SLC10A7: variants seen among roughly 807,000 people sequenced by gnomAD.
The protein encoded by SLC10A7 is solute carrier family 10 member 7.
A neutral mutation model predicts 43.2 loss-of-function variants in SLC10A7; 29 were observed. The ratio of observed to expected loss-of-function variants is 0.67; its 90% CI spans 0.50 to 0.92. The LOEUF is 0.92. Ranked by LOEUF, SLC10A7 falls within the 40% of genes least tolerant of loss-of-function variation. The pLI is 0.00. For synonymous variants in SLC10A7, 152 were observed against 144.8 expected (o/e 1.05, Z -0.35); for missense variants, 295 against 403.2 (o/e 0.73, Z 2.30).
rs190763959 is a variant in SLC10A7 at position 146,512,206 on chromosome 4, T to A, written c.184-2157A>T. ...CCAGGCTTGTCTGGAACTCCTGACC[T>A]CAGGTGATCCACCCGCCTTGGCCTC... is the stretch of plus-strand genomic sequence containing the variant. On this transcript the variant is annotated intron_variant, in intron 2 of 11. Coordinates refer to ENST00000335472, the MANE Select transcript of SLC10A7 (RefSeq NM_001029998.6). Among the ~76,000 whole-genome samples, 773 of 152,224 alleles carry A rather than the reference T, an allele frequency of 5.1e-3. 7 individuals carry two copies. Among genetic ancestry groups the A allele is most frequent in the Middle Eastern group, 0.048 (14 of 294 alleles).
chr4:146,460,071 A>T (rs1732401310), intron 4 of SLC10A7, among the ~76,000 whole-genome samples: 1 of 151,984 alleles, frequency 6.6e-6, no homozygotes, highest in African/African-American at 2.4e-5. Flanking sequence ...ATGACAAATT[A>T]ACACATGAAA....
chr4:146,374,619 TACACACACACACACACAC>T (rs59049339), intron 5 of SLC10A7, among the ~76,000 whole-genome samples: 1 of 123,516 alleles, frequency 8.1e-6, no homozygotes, highest in Non-Finnish European at 1.7e-5. Context: ...TATATACACA[TACACACACACACACACAC>T]ACACACACAC....
At chr4:146,491,261 A>G (rs1230408331) in intron 4 of SLC10A7, among the ~76,000 whole-genome samples, 4 of 152,182 alleles carry the variant, frequency 2.6e-5, no homozygotes, top group Non-Finnish European at 5.9e-5. Context: ...GAGAAGACAA[A>G]GTCCTCAAAA....
chr4:146,424,974 T>C (rs1729235051), intron 5 of SLC10A7, among the ~76,000 whole-genome samples: 1 of 152,188 alleles, frequency 6.6e-6, no homozygotes, highest in Non-Finnish European at 1.5e-5. Flanking sequence ...AAAAAAGTTC[T>C]GGCTGTGCAC....
intron 4 of SLC10A7, among the ~76,000 whole-genome samples, chr4:146,448,846 A>C (rs915770761): frequency 1.8e-4 from 28 of 152,208 alleles, no homozygotes; most frequent in Non-Finnish European, 5.9e-5. Flanking sequence ...TATAAAAAAG[A>C]CACCAAAAGT....
chr4:146,300,081 G>A (rs1030496205), intron 7 of SLC10A7, among the ~76,000 whole-genome samples: 1 of 152,174 alleles, frequency 6.6e-6, no homozygotes, highest in Non-Finnish European at 1.5e-5. Context: ...GCCAAGGAGG[G>A]ATTATAATGG....
intron 5 of SLC10A7, among the ~76,000 whole-genome samples, chr4:146,440,951 T>C (rs901789422): frequency 3.9e-5 from 6 of 152,206 alleles, no homozygotes; most frequent in African/African-American, 9.6e-5. Flanking sequence ...AGAGTGCATA[T>C]TGTCTGTGCC....
In SLC10A7 at chr4:146,293,985, G is replaced by A; in HGVS notation, c.666C>T (p.Phe222=). ...TATCCAGGTCAATATTTGGGTTAGA[G>A]AACGTGTCACAGAATGTTGTGTAGA... ...MIIYTTFCDT[F]SNPNIDLDKF... The change falls in exon 8 of 12, where the codon TTC becomes TTT. Residue 222 remains phenylalanine, a synonymous_variant. Coordinates refer to ENST00000335472, the MANE Select transcript of SLC10A7 (RefSeq NM_001029998.6). 3 of 1,613,524 alleles carry A rather than the reference G, an allele frequency of 1.9e-6. No homozygotes were observed. The highest frequency in any genetic ancestry group is 2.5e-6 in the Non-Finnish European group (3 of 1,179,554).
chr4:146,416,076 T>G (rs1385566004), intron 5 of SLC10A7, among the ~76,000 whole-genome samples: 6 of 152,188 alleles, frequency 3.9e-5, no homozygotes, highest in African/African-American at 1.2e-4. Flanking sequence ...GAACCTAGTC[T>G]AGTGTCTGGC....
At chr4:146,429,917 A>G (rs534558965) in intron 5 of SLC10A7, among the ~76,000 whole-genome samples, 1 of 152,304 alleles carries the variant, frequency 6.6e-6, no homozygotes, top group South Asian at 2.1e-4. Flanking sequence ...CGTGACATAC[A>G]TAAAAATTTT....
chr4:146,359,546 T>C (rs550461938), intron 5 of SLC10A7, among the ~76,000 whole-genome samples: 2 of 152,088 alleles, frequency 1.3e-5, no homozygotes, highest in South Asian at 2.1e-4. Flanking sequence ...GGAGAAGAAA[T>C]GGATTCACAG....
chr4:146,348,152 G>C (rs1455658430), intron 5 of SLC10A7, among the ~76,000 whole-genome samples: 1 of 152,106 alleles, frequency 6.6e-6, no homozygotes, highest in Non-Finnish European at 1.5e-5. Context: ...TTACAACAAG[G>C]AGTAGTCACG....
At position 146,370,176 on chromosome 4, in the gene SLC10A7, C is replaced by A. The variant is rs181215430; in HGVS notation, c.436-44180G>T. Among the ~76,000 whole-genome samples, 10 of 152,258 alleles carry A rather than the reference C, an allele frequency of 6.6e-5. No individual in the cohort carries two copies. In the East Asian group the frequency reaches 1.9e-3, roughly 29 times the overall value. On this transcript the variant is annotated intron_variant, in intron 5 of 11. Coordinates refer to ENST00000335472, the MANE Select transcript of SLC10A7 (RefSeq NM_001029998.6). ...ACACAATTTTGCCACTGTAGATTTA[C>A]AGTCACAAAATGCATGCTCCCAAGA...
chr4:146,470,554 T>C (rs565858324), intron 4 of SLC10A7, among the ~76,000 whole-genome samples: 1 of 152,290 alleles, frequency 6.6e-6, no homozygotes, highest in East Asian at 1.9e-4. Context: ...ATATTTAAAG[T>C]CAAATGCACA....
intron 5 of SLC10A7, among the ~76,000 whole-genome samples, chr4:146,354,476 C>T (rs919834646): frequency 6.0e-5 from 9 of 151,156 alleles, no homozygotes; most frequent in South Asian, 2.1e-4. Flanking sequence ...AGGTAATTTA[C>T]AGATTCAATG....
At position 146,451,231 on chromosome 4, in the gene SLC10A7, C is replaced by CGAAA. The variant is rs1553975777; in HGVS notation, c.397-8411_397-8410insTTTC. Reference sequence around the variant, plus strand: ...CAAGGCTGAATCAGAAGTCTCCCACCAAAAAAAAAAAAAAAAAAACAAAAA... The same window carrying CGAAA: ...CAAGGCTGAATCAGAAGTCTCCCACCGAAAAAAAAAAAAAAAAAAAAAACAAAAA... On this transcript the variant is annotated intron_variant, in intron 4 of 11. Coordinates refer to ENST00000335472, the MANE Select transcript of SLC10A7 (RefSeq NM_001029998.6). 1.8e-4 allele frequency among the ~76,000 whole-genome samples: 13 copies of CGAAA among 71,690 alleles called. No individual in the cohort carries two copies. In the East Asian group the frequency reaches 5.8e-3, roughly 32 times the overall value. The allele number at this position is 71,690 out of a possible 152,430, so 47.0% of individuals were successfully genotyped here.
At chr4:146,423,945 C>A (rs1465201847) in intron 5 of SLC10A7, among the ~76,000 whole-genome samples, 3 of 152,192 alleles carry the variant, frequency 2.0e-5, no homozygotes, top group Admixed American at 6.5e-5. Context: ...AGTCAACCAA[C>A]CATGTAAGAA....
At chr4:146,343,079 T>C (rs1479766203) in intron 5 of SLC10A7, among the ~76,000 whole-genome samples, 1 of 152,006 alleles carries the variant, frequency 6.6e-6, no homozygotes, top group East Asian at 1.9e-4. Flanking sequence ...CAATCAACTA[T>C]TATTTTCATT....
At chr4:146,346,977 T>C (rs1734667016) in intron 5 of SLC10A7, among the ~76,000 whole-genome samples, 1 of 152,146 alleles carries the variant, frequency 6.6e-6, no homozygotes, top group African/African-American at 2.4e-5. Flanking sequence ...TACGGTCTAG[T>C]TGCAGCAAAC....
Sources: allele counts gnomAD v4.1 joint callset (sites outside exome capture counted in the v4.1 genomes callset), GRCh38; gene constraint gnomAD v4.1.1; transcripts MANE v1.5; gene names NCBI Gene and HGNC (gene_info 2026-07-23, HGNC 2026-07-21).